The following MRPL30 variants were observed in gnomAD, a reference collection of about 807,000 sequenced individuals.
MRPL30 encodes the protein large ribosomal subunit protein uL30m.
Under a neutral mutation model 17.2 loss-of-function variants are expected in MRPL30, and 10 were observed. The ratio of observed to expected loss-of-function variants is 0.58; its 90% CI spans 0.36 to 0.99. MRPL30 has a LOEUF of 0.99. Among genes scored for constraint, MRPL30 ranks in the 50% least tolerant of loss-of-function variants. The pLI, the probability that MRPL30 is intolerant of heterozygous loss-of-function variation, is 0.01. For synonymous variants in MRPL30, 61 were observed against 62.1 expected (o/e 0.98, Z 0.08); for missense variants, 170 against 189.8 (o/e 0.90, Z 0.61).
intron 1 of MRPL30, among the ~76,000 whole-genome samples, chr2:99,182,472 G>T (rs987664996): frequency 6.6e-6 from 1 of 152,228 alleles, no homozygotes; most frequent in Admixed American, 6.5e-5. Context: ...GGAGAATGGC[G>T]TGAACCCGGG....
At position 99,196,937 on chromosome 2, in the gene MRPL30, C is replaced by G. The variant is rs2093956025; in HGVS notation, c.*1232C>G. The G allele has an allele frequency of 6.6e-6, 1 of 152,106 alleles. No individual in the cohort carries two copies. The highest frequency in any genetic ancestry group is 2.1e-4 in the South Asian group (1 of 4,824). 9.4% of individuals were successfully genotyped at this position (152,106 alleles called of 1,614,324 possible). ...TTATTGCACACTGCCTGAACAAAAC[C>G]TATTTGTCTCTATGTAAATTTTTTC... On this transcript the variant is annotated 3_prime_UTR_variant, in exon 6 of 6. Coordinates refer to ENST00000338148, the MANE Select transcript of MRPL30 (RefSeq NM_145212.4).
rs1447596743 is a variant in MRPL30, at chr2:99,181,197, T to G, written c.-80T>G. The G allele has an allele frequency of 5.2e-6, 3 of 581,162 alleles. No homozygotes were observed. The highest frequency in any genetic ancestry group is 1.9e-5 in the African/African-American group (1 of 52,508). 36.0% of individuals were successfully genotyped at this position (581,162 alleles called of 1,614,324 possible). Reference sequence around the variant, plus strand: ...GTGTAGCACTTGGTAGTTCTTCCTCTGCTCTGCTTCCCTTCGGAGGAAAAT... The same window carrying G: ...GTGTAGCACTTGGTAGTTCTTCCTCGGCTCTGCTTCCCTTCGGAGGAAAAT... On this transcript the variant is annotated 5_prime_UTR_variant, in exon 1 of 6. Coordinates refer to ENST00000338148, the MANE Select transcript of MRPL30 (RefSeq NM_145212.4).
chr2:99,195,658 G>GT lies in MRPL30; in HGVS notation c.440dup (p.Gln148AlafsTer13), dbSNP rs1412527610. On this transcript the variant is annotated frameshift_variant, in exon 6 of 6. Transcript: ENST00000338148. LOFTEE classifies it low-confidence loss of function (END_TRUNC). ...CCTCAAAAGCACTGGGGAGTTAGTA[G>GT]TGCAGTGGCATCTGAAACCTGTGGA... The GT allele has an allele frequency of 1.2e-6, 2 of 1,613,646 alleles. No homozygotes were observed. The highest frequency in any genetic ancestry group is 4.5e-5 in the East Asian group (2 of 44,850).
At chr2:99,190,410 A>G (rs1559190208) in intron 3 of MRPL30, among the ~76,000 whole-genome samples, 1 of 151,964 alleles carries the variant, frequency 6.6e-6, no homozygotes, top group Non-Finnish European at 1.5e-5. Flanking sequence ...AAATTTAAAA[A>G]TTAGCTAGGT....
At position 99,196,023 on chromosome 2, in the gene MRPL30, G is replaced by C. The variant is rs1342336120; in HGVS notation, c.*318G>C. The C allele has an allele frequency of 1.3e-5, 4 of 296,296 alleles. No individual in the cohort carries two copies. The highest frequency in any genetic ancestry group is 2.5e-5 in the Non-Finnish European group (4 of 156,956). 18.4% of individuals were successfully genotyped at this position (296,296 alleles called of 1,614,324 possible). A position where few individuals can be genotyped will look rare whatever the true frequency, so the allele number is the denominator to read the frequency against. On this transcript the variant is annotated 3_prime_UTR_variant, in exon 6 of 6. Coordinates refer to ENST00000338148, the MANE Select transcript of MRPL30 (RefSeq NM_145212.4). ...TTGAACCCGGGAGGCAGAGGTTGCA[G>C]TGAGCTGAGATGGTGCCACTGTACT... is the stretch of plus-strand genomic sequence containing the variant.
intron 1 of MRPL30, among the ~76,000 whole-genome samples, chr2:99,185,961 A>G (rs2093933168): frequency 1.3e-5 from 2 of 152,246 alleles, no homozygotes; most frequent in Non-Finnish European, 2.9e-5. Context: ...GACTCATTTG[A>G]TGAAAGTGGG....
chr2:99,192,856 T>G (rs1162839639), intron 3 of MRPL30, among the ~76,000 whole-genome samples: 5 of 152,114 alleles, frequency 3.3e-5, no homozygotes, highest in Non-Finnish European at 7.4e-5. Flanking sequence ...CCACCAATAG[T>G]GCAAAACCAT....
intron 3 of MRPL30, among the ~76,000 whole-genome samples, chr2:99,189,593 T>A (rs1489524928): frequency 1.3e-5 from 2 of 152,256 alleles, no homozygotes; most frequent in Non-Finnish European, 2.9e-5. Context: ...ACAAAGCTGC[T>A]ATAAACATTC....
At chr2:99,191,154 G>C (rs1391165144) in intron 3 of MRPL30, among the ~76,000 whole-genome samples, 1 of 151,974 alleles carries the variant, frequency 6.6e-6, no homozygotes. Context: ...TTACAGGCAT[G>C]TGCCACCACA....
chr2:99,188,515 T>C (rs2093938190), intron 3 of MRPL30, among the ~76,000 whole-genome samples: 1 of 152,202 alleles, frequency 6.6e-6, no homozygotes, highest in Admixed American at 6.5e-5. Flanking sequence ...GGTTTGTACA[T>C]GTGTGTTGGT....
chr2:99,192,304 A>G (rs531084327), intron 3 of MRPL30, among the ~76,000 whole-genome samples: 2 of 152,216 alleles, frequency 1.3e-5, no homozygotes, highest in South Asian at 2.1e-4. Flanking sequence ...GTTCCGGTAT[A>G]CACGTGCAGA....
chr2:99,190,406 A>T (rs2093942845), intron 3 of MRPL30, among the ~76,000 whole-genome samples: 1 of 152,002 alleles, frequency 6.6e-6, no homozygotes, highest in South Asian at 2.1e-4. Flanking sequence ...CAAAAAATTT[A>T]AAAATTAGCT....
chr2:99,191,283 G>A (rs1034724816), intron 3 of MRPL30, among the ~76,000 whole-genome samples: 24 of 152,100 alleles, frequency 1.6e-4, no homozygotes, highest in African/African-American at 5.6e-4. Flanking sequence ...GGAATTACAG[G>A]CGTGAGCAAC....
intron 1 of MRPL30, among the ~76,000 whole-genome samples, chr2:99,183,100 A>G (rs1212829963): frequency 6.6e-6 from 1 of 152,200 alleles, no homozygotes; most frequent in Non-Finnish European, 1.5e-5. Flanking sequence ...TGTAAATATC[A>G]GGATCATTCC....
At chr2:99,186,657 T>G (rs968380387) in intron 2 of MRPL30, among the ~76,000 whole-genome samples, 34 of 152,216 alleles carry the variant, frequency 2.2e-4, no homozygotes, top group African/African-American at 8.0e-4. Context: ...ATCTTGTTTA[T>G]GTATGGTTTT....
At chr2:99,187,423 G>A (rs1455489034) in intron 2 of MRPL30, among the ~76,000 whole-genome samples, 1 of 152,246 alleles carries the variant, frequency 6.6e-6, no homozygotes, top group East Asian at 1.9e-4. Flanking sequence ...GTATTGTCTT[G>A]TTAAATGTGA....
At chr2:99,194,695 G>A in intron 3 of MRPL30, 56 bp from the exon 4 acceptor site, 3 of 1,466,418 alleles carry the variant, frequency 2.0e-6, no homozygotes, top group Non-Finnish European at 2.8e-6. Flanking sequence ...AAAATGGGAG[G>A]TACACAGAAA....
At chr2:99,188,976 C>T (rs1219922285) in intron 3 of MRPL30, among the ~76,000 whole-genome samples, 1 of 152,238 alleles carries the variant, frequency 6.6e-6, no homozygotes, top group African/African-American at 2.4e-5. Flanking sequence ...GCTGGGATTA[C>T]AGGCGCCTGG....
chr2:99,184,081 G>GCGTT (rs2093930143), intron 1 of MRPL30, among the ~76,000 whole-genome samples: 1 of 31,930 alleles, frequency 3.1e-5, no homozygotes, highest in South Asian at 2.5e-3. Context: ...TATGAATTTA[G>GCGTT]GGTTATTTAT....
Sources: allele counts gnomAD v4.1 joint callset (sites outside exome capture counted in the v4.1 genomes callset), GRCh38; gene constraint gnomAD v4.1.1; transcripts MANE v1.5; gene names NCBI Gene and HGNC (gene_info 2026-07-23, HGNC 2026-07-21).